LAMA2: variants seen among roughly 807,000 people sequenced by gnomAD.
LAMA2 encodes the protein laminin subunit alpha 2.
In LAMA2, 269 loss-of-function variants were observed where a neutral mutation model predicts 364.8. That is an observed-to-expected ratio of 0.74 (90% confidence interval 0.67 to 0.82). The LOEUF is 0.82. Ranked by LOEUF, LAMA2 falls within the 40% of genes least tolerant of loss-of-function variation. LAMA2 has a pLI of 0.00. For synonymous variants in LAMA2, 1,379 were observed against 1,370.6 expected, an observed-to-expected ratio of 1.01 and a Z score of -0.14; for missense variants, 3,807 against 3,873.2, an observed-to-expected ratio of 0.98 and a Z score of 0.45.
chr6:129,166,888 A>G (rs1031677957), intron 9 of LAMA2, among the ~76,000 whole-genome samples: 2 of 152,170 alleles, frequency 1.3e-5, no homozygotes, highest in South Asian at 2.1e-4. Flanking sequence ...TGGCTTCAGC[A>G]CCTAAATAAC....
intron 12 of LAMA2, among the ~76,000 whole-genome samples, chr6:129,195,991 G>T (rs891645199): frequency 4.6e-5 from 7 of 152,160 alleles, no homozygotes; most frequent in Non-Finnish European, 1.0e-4. Flanking sequence ...GGAGAAGCTA[G>T]CTTGGCTTGT....
At chr6:128,921,143 G>A (rs375586301) in intron 1 of LAMA2, among the ~76,000 whole-genome samples, 22 of 152,214 alleles carry the variant, frequency 1.4e-4, no homozygotes, top group African/African-American at 1.4e-4. Context: ...TAGGAATTAC[G>A]TTTAAATTTG....
chr6:129,094,360 G>T (rs1225864537), intron 3 of LAMA2, among the ~76,000 whole-genome samples: 1 of 152,148 alleles, frequency 6.6e-6, no homozygotes, highest in East Asian at 1.9e-4. Context: ...TTTTGAAATG[G>T]GACTCATTCA....
In LAMA2 at chr6:129,340,173, C is replaced by T. The variant is rs116774185; in HGVS notation, c.4312-2170C>T. On this transcript the variant is annotated intron_variant, in intron 29 of 64. Coordinates refer to ENST00000421865, the MANE Select transcript of LAMA2 (RefSeq NM_000426.4). ...CCTGGTATTATGTTTAATGGTGAAA[C>T]CAGAAGCCTGTTTAAAGGGAGAATG... Among the ~76,000 whole-genome samples, 644 of 152,048 alleles carry T rather than the reference C, an allele frequency of 4.2e-3. 6 individuals are homozygous for T. Among genetic ancestry groups the T allele is most frequent in the African/African-American group, 0.015 (627 of 41,450 alleles).
chr6:128,973,232 G>A (rs1782301499), intron 1 of LAMA2, among the ~76,000 whole-genome samples: 1 of 152,170 alleles, frequency 6.6e-6, no homozygotes, highest in Non-Finnish European at 1.5e-5. Flanking sequence ...AATGAGCCCA[G>A]GACATTAGAG....
chr6:129,373,195 A>G (rs1463321554), intron 34 of LAMA2, among the ~76,000 whole-genome samples: 4 of 152,184 alleles, frequency 2.6e-5, no homozygotes. Context: ...GTTGTATCTA[A>G]AGACTCATTG....
intron 1 of LAMA2, among the ~76,000 whole-genome samples, chr6:128,947,031 A>G (rs374968377): frequency 6.6e-6 from 1 of 152,216 alleles, no homozygotes; most frequent in African/African-American, 2.4e-5. Flanking sequence ...ATTGTTTGAC[A>G]TCTAGCTGAA....
At chr6:128,912,858 T>C (rs1778068713) in intron 1 of LAMA2, among the ~76,000 whole-genome samples, 1 of 152,118 alleles carries the variant, frequency 6.6e-6, no homozygotes, top group South Asian at 2.1e-4. Flanking sequence ...GAGTTGGAAT[T>C]TGGACTGAGT....
intron 4 of LAMA2, among the ~76,000 whole-genome samples, chr6:129,125,760 C>A (rs967885203): frequency 1.3e-5 from 2 of 152,006 alleles, no homozygotes; most frequent in Non-Finnish European, 2.9e-5. Flanking sequence ...TGGTGTATTG[C>A]AGATTTTAAA....
chr6:128,919,520 A>G (rs768657318), intron 1 of LAMA2, among the ~76,000 whole-genome samples: 2 of 152,142 alleles, frequency 1.3e-5, no homozygotes, highest in Non-Finnish European at 2.9e-5. Flanking sequence ...AGTAGAAGCA[A>G]TTTCATATGG....
intron 1 of LAMA2, among the ~76,000 whole-genome samples, chr6:128,911,443 C>G (rs1375053962): frequency 6.6e-6 from 1 of 151,884 alleles, no homozygotes; most frequent in Admixed American, 6.6e-5. Flanking sequence ...GGAAAGGGAA[C>G]TCCCTGACCC....
intron 30 of LAMA2, among the ~76,000 whole-genome samples, chr6:129,343,996 A>C (rs1213859146): frequency 6.6e-6 from 1 of 152,210 alleles, no homozygotes; most frequent in Non-Finnish European, 1.5e-5. Context: ...CAATTTCATG[A>C]TCACAGATGA....
intron 1 of LAMA2, among the ~76,000 whole-genome samples, chr6:128,890,891 A>C (rs1193241466): frequency 2.0e-5 from 3 of 152,132 alleles, no homozygotes; most frequent in Non-Finnish European, 2.9e-5. Flanking sequence ...TAATCTCAAA[A>C]TTCCTTCTGA....
At chr6:129,471,537 C>G (rs1369229113) in intron 51 of LAMA2, among the ~76,000 whole-genome samples, 6 of 151,894 alleles carry the variant, frequency 4.0e-5, no homozygotes, top group African/African-American at 1.4e-4. Flanking sequence ...CCCACCAAGT[C>G]TGTAGAAAGA....
At chr6:129,210,842 G>A (rs950555716) in intron 12 of LAMA2, among the ~76,000 whole-genome samples, 2 of 152,078 alleles carry the variant, frequency 1.3e-5, no homozygotes, top group African/African-American at 4.8e-5. Context: ...TGCCGGTTAC[G>A]GTGGGCAACA....
intron 1 of LAMA2, among the ~76,000 whole-genome samples, chr6:129,036,480 G>C (rs186726878): frequency 2.6e-5 from 4 of 152,192 alleles, no homozygotes; most frequent in African/African-American, 7.2e-5. Flanking sequence ...ACATGCCTAA[G>C]ATCCATTGGA....
intron 2 of LAMA2, among the ~76,000 whole-genome samples, chr6:129,057,969 A>C (rs1788603969): frequency 6.6e-6 from 1 of 152,196 alleles, no homozygotes; most frequent in Non-Finnish European, 1.5e-5. Context: ...CAAGACTGAC[A>C]CCCCAAAGCA....
Position 129,041,527 on chromosome 6 carries a change from G to A in LAMA2, c.113-8391G>A, listed in dbSNP as rs539001132. Among the ~76,000 whole-genome samples, 278 of 152,282 alleles carry A rather than the reference G, an allele frequency of 1.8e-3. 1 individual carries two copies. The highest frequency in any genetic ancestry group is 6.3e-3 in the African/African-American group (262 of 41,558). ...CTTTTCTACATTTGATTTAAGAAATGTCAATTTAACTTTTTATTGATACTG... is the reference window on the plus strand; with the variant it reads ...CTTTTCTACATTTGATTTAAGAAATATCAATTTAACTTTTTATTGATACTG... On this transcript the variant is annotated intron_variant, in intron 1 of 64. Transcript: ENST00000421865.
At chr6:129,199,743 G>A (rs1362017212) in intron 12 of LAMA2, among the ~76,000 whole-genome samples, 1 of 151,976 alleles carries the variant, frequency 6.6e-6, no homozygotes, top group Non-Finnish European at 1.5e-5. Flanking sequence ...ATAGTACCAA[G>A]GATTAAATTT....
Sources: gnomAD v4.1 joint callset for allele counts (sites outside exome capture counted in the v4.1 genomes callset) on GRCh38, gnomAD v4.1.1 for gene constraint, MANE v1.5 for transcripts, NCBI Gene and HGNC (gene_info 2026-07-23, HGNC 2026-07-21) for gene names.